The following NFIC variants were observed in gnomAD, a reference collection of about 807,000 sequenced individuals.
NFIC encodes the protein nuclear factor 1 C-type.
A neutral mutation model predicts 54.4 loss-of-function variants in NFIC; 12 were observed. That is an observed-to-expected ratio of 0.22 (90% CI 0.14 to 0.36). The LOEUF (loss-of-function observed/expected upper bound fraction) is 0.36. Among genes scored for constraint, NFIC ranks in the 10% least tolerant of loss-of-function variants. NFIC has a pLI of 1.00. For synonymous variants in NFIC, 322 were observed against 319.2 expected (o/e 1.01, Z -0.09); for missense variants, 575 against 718.2 (o/e 0.80, Z 2.28).
chr19:3,371,998 C>CCTCCCTCTCTCTCTCT lies in NFIC; in HGVS notation c.30+5335_30+5336insCCTCTCTCTCTCTCTC, dbSNP rs1317268715. Among the ~76,000 whole-genome samples the CCTCCCTCTCTCTCTCT allele has an allele frequency of 1.1e-3, 38 of 35,412 alleles. 6 individuals carry two copies. In the East Asian group the frequency reaches 0.025, roughly 23 times the overall value. 23.2% of individuals were successfully genotyped at this position (35,412 alleles called of 152,430 possible). ...CTTTCTCTCTCTCTCCCTCTCTCTC[C>CCTCCCTCTCTCTCTCT]CTCTCTCTCTCTCTCTCTCTCTCTC... On this transcript the variant is annotated intron_variant, in intron 1 of 10. Transcript: ENST00000443272.
In NFIC at chr19:3,413,145, C is replaced by T. The variant is rs531680496; in HGVS notation, c.563-11961C>T. ...TGTATTTTTAGTAGAGATGGGGTTTCACCGTGTTAGCCAGGCTGGTCTTGA... is the reference window on the plus strand; with the variant it reads ...TGTATTTTTAGTAGAGATGGGGTTTTACCGTGTTAGCCAGGCTGGTCTTGA... On this transcript the variant is annotated intron_variant, in intron 2 of 10. Transcript: ENST00000443272. 2.0e-5 allele frequency among the ~76,000 whole-genome samples: 3 copies of T among 152,248 alleles called. No individual in the cohort carries two copies. In the East Asian group the frequency reaches 5.8e-4, roughly 29 times the overall value.
At chr19:3,366,546 TTG>T (rs2080887597), upstream of NFIC, 7 of 317,338 alleles carry the variant, frequency 2.2e-5, no homozygotes, top group African/African-American at 4.7e-4. Context: ...GGGGGGGGGG[TTG>T]GGGGGGGCGG....
chr19:3,422,400 G>A (rs376453022), intron 2 of NFIC, among the ~76,000 whole-genome samples: 1 of 150,330 alleles, frequency 6.7e-6, no homozygotes, highest in African/African-American at 2.4e-5. Flanking sequence ...ATCTCATTTT[G>A]CGGATGAAGA....
chr19:3,401,561 G>A (rs1456872052), intron 2 of NFIC, among the ~76,000 whole-genome samples: 21 of 152,142 alleles, frequency 1.4e-4, no homozygotes, highest in Admixed American at 6.5e-4. Flanking sequence ...AGGGAGCGGC[G>A]CAGCACTGGG....
chr19:3,456,431 ACT>A, intron 9 of NFIC, 117 bp from the exon 10 acceptor site: 1 of 936,300 alleles, frequency 1.1e-6, no homozygotes, highest in Non-Finnish European at 1.6e-6. Context: ...GGCCCCAGGC[ACT>A]GGGTGCAGAG....
intron 2 of NFIC, among the ~76,000 whole-genome samples, chr19:3,398,799 G>T (rs1020869070): frequency 6.6e-6 from 1 of 152,210 alleles, no homozygotes; most frequent in Non-Finnish European, 1.5e-5. Context: ...TACATAAGGG[G>T]AGGCCGGGCC....
At chr19:3,438,518 A>T (rs1388939109) in intron 6 of NFIC, among the ~76,000 whole-genome samples, 2 of 150,048 alleles carry the variant, frequency 1.3e-5, no homozygotes, top group African/African-American at 4.9e-5. Context: ...GCTCACTGCA[A>T]GCTCCGCTTC....
intron 1 of NFIC, among the ~76,000 whole-genome samples, chr19:3,360,499 G>C (rs1396408046): frequency 6.6e-6 from 1 of 151,970 alleles, no homozygotes; most frequent in African/African-American, 2.4e-5. Context: ...GGGTGCGTGG[G>C]AGCCCCTGCG....
intron 2 of NFIC, among the ~76,000 whole-genome samples, chr19:3,410,075 C>G (rs1180730713): frequency 6.6e-6 from 1 of 152,076 alleles, no homozygotes; most frequent in South Asian, 2.1e-4. Flanking sequence ...GAGTCTCGCT[C>G]CTTTGCACAG....
At chr19:3,406,430 G>A (rs1331856804) in intron 2 of NFIC, among the ~76,000 whole-genome samples, 1 of 144,870 alleles carries the variant, frequency 6.9e-6, no homozygotes, top group African/African-American at 2.6e-5. Context: ...GTCTCACTAT[G>A]TTGCTCAAGC....
At chr19:3,455,165 G>A (rs1268270660) in intron 9 of NFIC, among the ~76,000 whole-genome samples, 5 of 152,238 alleles carry the variant, frequency 3.3e-5, no homozygotes, top group African/African-American at 7.2e-5. Flanking sequence ...CATTCTTGCC[G>A]GCTGTCCCTG....
chr19:3,425,298 A>T, intron 3 of NFIC, 121 bp downstream of exon 3: 1 of 1,179,804 alleles, frequency 8.5e-7, no homozygotes, highest in Non-Finnish European at 1.2e-6. Context: ...AGGCTCGGAG[A>T]GGTTAAGGGG....
intron 2 of NFIC, among the ~76,000 whole-genome samples, chr19:3,400,150 C>T (rs760591197): frequency 2.0e-5 from 3 of 151,940 alleles, no homozygotes; most frequent in Non-Finnish European, 4.4e-5. Context: ...CTGCTCCAGG[C>T]GCTGGGATAC....
chr19:3,407,405 G>T (rs893710406), intron 2 of NFIC, among the ~76,000 whole-genome samples: 1 of 150,178 alleles, frequency 6.7e-6, no homozygotes, highest in African/African-American at 2.5e-5. Context: ...GAGCCACCGC[G>T]CCCGGCCCAA....
In NFIC at chr19:3,453,794, G is replaced by A. The variant is rs780561940; in HGVS notation, c.1301G>A (p.Ser434Asn). 1 of 1,606,110 alleles carries A rather than the reference G, an allele frequency of 6.2e-7. No individual in the cohort carries two copies. Among genetic ancestry groups the A allele is most frequent in the South Asian group, 1.1e-5 (1 of 89,916 alleles). Reference sequence around the variant, plus strand: ...GGAAGTGGTCAGCTCAAAATGCCCAGCCACTGCCTTTCTGCTCAGATGCTG... The same window carrying A: ...GGAAGTGGTCAGCTCAAAATGCCCAACCACTGCCTTTCTGCTCAGATGCTG... ...LNGSGQLKMPSHCLSAQMLAP... is the reference protein window; with the variant it reads ...LNGSGQLKMPNHCLSAQMLAP... The change falls in exon 9 of 11, where the codon AGC becomes AAC. Residue 434 changes from serine to asparagine, a missense_variant. By Grantham distance (46) the Ser-to-Asn change is conservative (BLOSUM62 1). This residue lies in a region of NFIC where 447 missense variants were observed against 526.9 expected (regional missense o/e 0.85). Transcript: ENST00000443272. This position sits in a 1 kb window ranked among gnomAD's most constrained non-coding sequence, Gnocchi z 6.7.
chr19:3,408,696 G>A (rs1382798156), intron 2 of NFIC, among the ~76,000 whole-genome samples: 1 of 152,072 alleles, frequency 6.6e-6, no homozygotes, highest in East Asian at 1.9e-4. Flanking sequence ...CCGCCTCCTG[G>A]GTTCAAGCAG....
Position 3,370,628 on chromosome 19 carries a change from CCTT to C in NFIC, c.30+3965_30+3967del, listed in dbSNP as rs977041215. On this transcript the variant is annotated intron_variant, in intron 1 of 10. Coordinates refer to ENST00000443272, the MANE Select transcript of NFIC (RefSeq NM_001245002.2). This position sits in a 1 kb window ranked among gnomAD's most constrained non-coding sequence, Gnocchi z 5.2. ...CCCCGTCTCCCTTCTCTCCCTCTCT[CCTT>C]CTCTCTTCTCTCTCTCTTTCTCCCT... Among the ~76,000 whole-genome samples the C allele has an allele frequency of 4.6e-5, 7 of 150,788 alleles. No homozygotes were observed. Among genetic ancestry groups the C allele is most frequent in the Admixed American group, 6.6e-5 (1 of 15,146 alleles).
At chr19:3,395,674 T>A (rs750335675) in intron 2 of NFIC, among the ~76,000 whole-genome samples, 3 of 151,626 alleles carry the variant, frequency 2.0e-5, no homozygotes, top group Non-Finnish European at 4.4e-5. Context: ...TTTTTTATTT[T>A]TATTTATTTA....
In NFIC at chr19:3,468,375, G is replaced by A. The variant is rs577644563; in HGVS notation, c.*5606G>A. 6.6e-6 allele frequency: 1 copy of A among 152,146 alleles called. No individual in the cohort carries two copies. The highest frequency in any genetic ancestry group is 1.5e-5 in the Non-Finnish European group (1 of 68,090). The allele number at this position is 152,146 out of a possible 1,614,324, so 9.4% of individuals were successfully genotyped here. A position where few individuals can be genotyped will look rare whatever the true frequency, so the allele number is the denominator to read the frequency against. Reference sequence around the variant, plus strand: ...GCCCTCCAAAAAGGGGACACAGGCTGCCCCGGCCCCTCAACTGCATCCACA... The same window carrying A: ...GCCCTCCAAAAAGGGGACACAGGCTACCCCGGCCCCTCAACTGCATCCACA... On this transcript the variant is annotated 3_prime_UTR_variant, in exon 11 of 11. Transcript: ENST00000443272.
Sources: allele counts gnomAD v4.1 joint callset (sites outside exome capture counted in the v4.1 genomes callset), GRCh38; gene constraint gnomAD v4.1.1; regional missense constraint gnomAD v4.1.1; non-coding constraint Gnocchi (gnomAD v3.1); transcripts MANE v1.5; gene names NCBI Gene and HGNC (gene_info 2026-07-23, HGNC 2026-07-21).